PKNOX2: variants seen among roughly 807,000 people sequenced by gnomAD.
The protein encoded by PKNOX2 is homeobox protein PKNOX2.
Under a neutral mutation model 53.1 loss-of-function variants are expected in PKNOX2, and 14 were observed. The ratio of observed to expected loss-of-function variants is 0.26; its 90% CI spans 0.17 to 0.41. PKNOX2 has a LOEUF of 0.41. Ranked by LOEUF, PKNOX2 falls within the 10% of genes least tolerant of loss-of-function variation. The pLI is 1.00. For missense variants in PKNOX2, 496 were observed against 602.8 expected, an observed-to-expected ratio of 0.82 and a Z score of 1.85; for synonymous variants, 257 against 242.8, an observed-to-expected ratio of 1.06 and a Z score of -0.54.
intron 6 of PKNOX2, among the ~76,000 whole-genome samples, chr11:125,393,594 T>C (rs1954212451): frequency 6.6e-6 from 1 of 152,042 alleles, no homozygotes; most frequent in Non-Finnish European, 1.5e-5. Context: ...GTCCTGGTAA[T>C]GTTCAGAGAG....
In PKNOX2 at chr11:125,406,293, G is replaced by A. The variant is rs1043589358; in HGVS notation, c.589-3903G>A. ...AGAGACTAAGCCTGGACTGGAAATC[G>A]CAGCCAAGTGGAGTTGTGGGGCTAG... On this transcript the variant is annotated intron_variant, in intron 7 of 12. Transcript: ENST00000298282. Among the ~76,000 whole-genome samples the A allele has an allele frequency of 5.3e-5, 8 of 152,270 alleles. No homozygotes were observed. In the East Asian group the frequency reaches 5.8e-4, roughly 11 times the overall value.
chr11:125,186,062 T>C (rs1025324220), intron 1 of PKNOX2, among the ~76,000 whole-genome samples: 1 of 151,000 alleles, frequency 6.6e-6, no homozygotes, highest in East Asian at 1.9e-4. Context: ...TTTTTTTTAA[T>C]TGTAGCCATT....
intron 1 of PKNOX2, among the ~76,000 whole-genome samples, chr11:125,187,751 T>G (rs1956546420): frequency 6.6e-6 from 1 of 152,224 alleles, no homozygotes; most frequent in South Asian, 2.1e-4. Context: ...ATTCCTGATC[T>G]TAGGAGGAAA....
intron 2 of PKNOX2, among the ~76,000 whole-genome samples, chr11:125,288,654 C>T (rs1947079949): frequency 6.6e-6 from 1 of 152,208 alleles, no homozygotes; most frequent in African/African-American, 2.4e-5. Context: ...CTGGCAGAGG[C>T]ACGTCTCCCG....
intron 1 of PKNOX2, among the ~76,000 whole-genome samples, chr11:125,202,731 G>A (rs1406153988): frequency 1.3e-5 from 2 of 151,938 alleles, no homozygotes; most frequent in African/African-American, 4.8e-5. Context: ...GGGGGGGAGG[G>A]GTGAGTGCTC....
intron 1 of PKNOX2, among the ~76,000 whole-genome samples, chr11:125,191,673 G>T (rs1158593533): frequency 2.6e-5 from 4 of 152,110 alleles, no homozygotes; most frequent in Admixed American, 6.5e-5. Context: ...TGCATGTTTT[G>T]GGTGCGGTGT....
intron 2 of PKNOX2, among the ~76,000 whole-genome samples, chr11:125,271,083 C>A (rs1248989459): frequency 2.0e-5 from 3 of 152,160 alleles, no homozygotes; most frequent in Non-Finnish European, 4.4e-5. Flanking sequence ...ATGATCCTGT[C>A]TGTGGATTTG....
At chr11:125,340,774 A>G (rs556891692) in intron 3 of PKNOX2, among the ~76,000 whole-genome samples, 1 of 152,314 alleles carries the variant, frequency 6.6e-6, no homozygotes, top group South Asian at 2.1e-4. Flanking sequence ...AAGCCAGGCC[A>G]GGCGCGGTGG....
intron 3 of PKNOX2, among the ~76,000 whole-genome samples, chr11:125,339,625 T>C (rs573136177): frequency 2.0e-5 from 3 of 152,218 alleles, no homozygotes; most frequent in African/African-American, 7.2e-5. Context: ...ACTTCACTCC[T>C]CCTGGGCCCC....
intron 7 of PKNOX2, among the ~76,000 whole-genome samples, chr11:125,404,149 C>T (rs746473724): frequency 2.2e-4 from 34 of 152,168 alleles, no homozygotes; most frequent in Non-Finnish European, 5.9e-5. Flanking sequence ...AAGATCACTA[C>T]TTAGATGGAC....
At chr11:125,371,932 A>G (rs1376028345) in intron 5 of PKNOX2, among the ~76,000 whole-genome samples, 1 of 152,170 alleles carries the variant, frequency 6.6e-6, no homozygotes, top group African/African-American at 2.4e-5. Context: ...ATTACTCACA[A>G]TTGAATTAAC....
intron 3 of PKNOX2, among the ~76,000 whole-genome samples, chr11:125,343,735 C>T (rs531035361): frequency 6.6e-6 from 1 of 152,312 alleles, no homozygotes; most frequent in Admixed American, 6.5e-5. Context: ...GGCGGTGGGG[C>T]TCCAGCACTC....
intron 1 of PKNOX2, among the ~76,000 whole-genome samples, chr11:125,226,558 C>T (rs1355675319): frequency 1.3e-5 from 2 of 152,114 alleles, no homozygotes; most frequent in African/African-American, 4.8e-5. Context: ...TGTCTACACC[C>T]TTTCCAACAC....
intron 1 of PKNOX2, among the ~76,000 whole-genome samples, chr11:125,175,986 C>T (rs938938431): frequency 2.6e-5 from 4 of 152,186 alleles, no homozygotes; most frequent in African/African-American, 7.2e-5. Flanking sequence ...CAAATTCACA[C>T]GCCTTCTCAT....
chr11:125,237,317 A>G (rs1942779616), intron 2 of PKNOX2, among the ~76,000 whole-genome samples: 1 of 152,230 alleles, frequency 6.6e-6, no homozygotes, highest in Non-Finnish European at 1.5e-5. Context: ...TAGCCACTGC[A>G]TTCTCTCAAC....
At chr11:125,357,442 T>C (rs1388774576) in intron 4 of PKNOX2, among the ~76,000 whole-genome samples, 1 of 152,152 alleles carries the variant, frequency 6.6e-6, no homozygotes, top group Non-Finnish European at 1.5e-5. Context: ...ACTTACTATA[T>C]TCTGATATTT....
intron 1 of PKNOX2, among the ~76,000 whole-genome samples, chr11:125,223,090 C>T (rs1159919368): frequency 2.0e-5 from 3 of 152,148 alleles, no homozygotes; most frequent in South Asian, 2.1e-4. Context: ...AGTGGACATC[C>T]TCCCTGTCTT....
At chr11:125,396,753 C>T (rs1954431500) in intron 6 of PKNOX2, among the ~76,000 whole-genome samples, 1 of 152,160 alleles carries the variant, frequency 6.6e-6, no homozygotes. Flanking sequence ...AACTTTCACC[C>T]ATTCAGCAAA....
At chr11:125,424,986 G>C (rs1956339005) in intron 10 of PKNOX2, among the ~76,000 whole-genome samples, 1 of 152,188 alleles carries the variant, frequency 6.6e-6, no homozygotes, top group Non-Finnish European at 1.5e-5. Flanking sequence ...GAACTTCCTG[G>C]TGGCAACTAC....
Sources: gnomAD v4.1 joint callset for allele counts (sites outside exome capture counted in the v4.1 genomes callset) on GRCh38, gnomAD v4.1.1 for gene constraint, MANE v1.5 for transcripts, NCBI Gene and HGNC (gene_info 2026-07-23, HGNC 2026-07-21) for gene names.